UNC79: variants seen among roughly 807,000 people sequenced by gnomAD.
UNC79 encodes the protein protein unc-79 homolog.
UNC79 carries 37 observed loss-of-function variants against 283.1 expected under a neutral mutation model. The observed-to-expected ratio is 0.13, with a 90% CI of 0.10 to 0.17. The LOEUF is 0.17. Among genes scored for constraint, UNC79 ranks in the 10% least tolerant of loss-of-function variants. The probability of loss-of-function intolerance (pLI) is 1.00; values close to 1 mark genes in which losing one functional copy is unlikely to be tolerated. For missense variants in UNC79, 2,272 were observed against 3,211.1 expected (o/e 0.71, Z 7.07); for synonymous variants, 1,107 against 1,200.2 (o/e 0.92, Z 1.61).
At chr14:93,399,983 C>T (rs1340933818) in intron 1 of UNC79, among the ~76,000 whole-genome samples, 41 of 152,238 alleles carry the variant, frequency 2.7e-4, no homozygotes. Flanking sequence ...TTTCATAGTC[C>T]TGGGAGTTTT....
chr14:93,525,099 T>G (rs932286393), intron 8 of UNC79, among the ~76,000 whole-genome samples: 10 of 152,218 alleles, frequency 6.6e-5, no homozygotes, highest in Admixed American at 5.9e-4. Flanking sequence ...CCTTGTATTA[T>G]TATTTTTAAT....
intron 20 of UNC79, among the ~76,000 whole-genome samples, chr14:93,583,547 A>T (rs191340542): frequency 6.6e-6 from 1 of 152,294 alleles, no homozygotes; most frequent in African/African-American, 2.4e-5. Context: ...TGAACAGTGA[A>T]TTGTGTATGA....
intron 14 of UNC79, among the ~76,000 whole-genome samples, chr14:93,544,383 C>G (rs1262888338): frequency 6.6e-6 from 1 of 152,146 alleles, no homozygotes; most frequent in Admixed American, 6.5e-5. Flanking sequence ...GGGAGCTGGG[C>G]AGGAACTGGG....
At chr14:93,608,876 T>G (rs117372383) in intron 26 of UNC79, among the ~76,000 whole-genome samples, 2,413 of 152,348 alleles carry the variant, frequency 0.016, 39 homozygotes, top group South Asian at 0.077. Flanking sequence ...ATAATAAGTA[T>G]CTACTATATG....
At chr14:93,648,348 G>A (rs187919301) in intron 35 of UNC79, among the ~76,000 whole-genome samples, 47 of 152,290 alleles carry the variant, frequency 3.1e-4, no homozygotes, top group African/African-American at 1.0e-3. Context: ...TAGGTTATGG[G>A]GAAGGGGTAA....
chr14:93,546,567 T>A (rs541745122), intron 14 of UNC79, among the ~76,000 whole-genome samples: 1 of 152,250 alleles, frequency 6.6e-6, no homozygotes, highest in Non-Finnish European at 1.5e-5. Context: ...ATATATTTCA[T>A]GTTTGTTTAC....
intron 14 of UNC79, among the ~76,000 whole-genome samples, chr14:93,549,829 A>G (rs1041034812): frequency 2.0e-5 from 3 of 152,252 alleles, no homozygotes; most frequent in Non-Finnish European, 4.4e-5. Flanking sequence ...AGTAGGTTAC[A>G]ATCTGTTTAT....
chr14:93,546,760 T>C (rs2061620170), intron 14 of UNC79, among the ~76,000 whole-genome samples: 1 of 152,144 alleles, frequency 6.6e-6, no homozygotes, highest in Admixed American at 6.5e-5. Flanking sequence ...TTCTGCTTGA[T>C]TGAGTTAGCA....
intron 1 of UNC79, among the ~76,000 whole-genome samples, chr14:93,396,767 A>ATGTGTGTGTGTGTGTGTG (rs1413500764): frequency 6.4e-4 from 49 of 76,508 alleles, no homozygotes; most frequent in African/African-American, 1.4e-3. Flanking sequence ...TGCAAAGGGC[A>ATGTGTGTGTGTGTGTGTG]TGTGTGTGTA....
At chr14:93,458,456 G>A (rs1401933974) in intron 1 of UNC79, among the ~76,000 whole-genome samples, 2 of 152,156 alleles carry the variant, frequency 1.3e-5, no homozygotes, top group African/African-American at 4.8e-5. Context: ...GACTCAACAT[G>A]TTTGGGGTCT....
chr14:93,416,706 C>A (rs1312182223), intron 1 of UNC79, among the ~76,000 whole-genome samples: 3 of 149,940 alleles, frequency 2.0e-5, no homozygotes, highest in Non-Finnish European at 4.4e-5. Context: ...TGGGTGCTCC[C>A]GTATTGGGTG....
intron 1 of UNC79, among the ~76,000 whole-genome samples, chr14:93,416,922 C>T (rs1038406185): frequency 1.3e-4 from 20 of 152,232 alleles, no homozygotes; most frequent in African/African-American, 2.2e-4. Flanking sequence ...TGTCTCTGCA[C>T]GTGAGATGGA....
intron 1 of UNC79, among the ~76,000 whole-genome samples, chr14:93,371,869 T>G (rs1359417634): frequency 2.6e-5 from 4 of 151,862 alleles, no homozygotes; most frequent in African/African-American, 9.7e-5. Context: ...AACAACTGAC[T>G]TCTCAGAAAC....
At chr14:93,343,091 T>C (rs1465557785) in intron 1 of UNC79, among the ~76,000 whole-genome samples, 1 of 152,236 alleles carries the variant, frequency 6.6e-6, no homozygotes, top group African/African-American at 2.4e-5. Flanking sequence ...TGTTCCAACC[T>C]CTGCCTATTA....
exon 38 of UNC79, chr14:93,655,306 A>G: frequency 3.7e-6 from 6 of 1,614,184 alleles, no homozygotes; most frequent in Non-Finnish European, 5.1e-6. Context: ...TGCAACCTTC[A>G]TGGAAGCTTT....
In UNC79 at chr14:93,704,540, G is replaced by A. The variant is rs2075742865; in HGVS notation, c.7549-85G>A. On this transcript the variant is annotated intron_variant, in intron 47 of 48. Coordinates refer to ENST00000555664, the Ensembl canonical transcript of UNC79. Reference sequence around the variant, plus strand: ...GTGCGCGACGTGAAAGGGATTCAATGTGGCCTGTTTTCCCTTGCAATGAGC... The same window carrying A: ...GTGCGCGACGTGAAAGGGATTCAATATGGCCTGTTTTCCCTTGCAATGAGC... 1.1e-5 allele frequency: 16 copies of A among 1,458,418 alleles called. No homozygotes were observed. In the South Asian group the frequency reaches 1.8e-4, roughly 17 times the overall value. The allele number at this position is 1,458,418 out of a possible 1,614,324, so 90.3% of individuals were successfully genotyped here.
chr14:93,592,324 AC>A (rs1423748014), intron 22 of UNC79, among the ~76,000 whole-genome samples: 1 of 151,686 alleles, frequency 6.6e-6, no homozygotes, highest in African/African-American at 2.4e-5. Flanking sequence ...ACAGGCGCCC[AC>A]CACCACGCCC....
chr14:93,419,853 C>G (rs2055553788), intron 1 of UNC79, among the ~76,000 whole-genome samples: 1 of 151,452 alleles, frequency 6.6e-6, no homozygotes. Flanking sequence ...TGCTTGAGGC[C>G]AGAAGTTCCA....
chr14:93,333,441 G>C (rs1179974659), exon 1 of UNC79: 2 of 398,476 alleles, frequency 5.0e-6, no homozygotes, highest in East Asian at 3.6e-5. Flanking sequence ...CATCTTTCTC[G>C]AGAACAACTC....
Sources: gnomAD v4.1 joint callset for allele counts (sites outside exome capture counted in the v4.1 genomes callset) on GRCh38, gnomAD v4.1.1 for gene constraint, MANE v1.5 for transcripts, NCBI Gene and HGNC (gene_info 2026-07-23, HGNC 2026-07-21) for gene names.